Variants in DICER1 observed in about 807,000 individuals in gnomAD.
DICER1 encodes the protein endoribonuclease Dicer.
DICER1 carries 43 observed loss-of-function variants against 194.1 expected under a neutral mutation model. The observed-to-expected ratio is 0.22, with a 90% CI of 0.17 to 0.29. DICER1 has a LOEUF of 0.29. Ranked by LOEUF, DICER1 falls within the 10% of genes least tolerant of loss-of-function variation. The pLI is 1.00. For synonymous variants in DICER1, 832 were observed against 820.5 expected (o/e 1.01, Z -0.24); for missense variants, 1,608 against 2,317.0 (o/e 0.69, Z 6.28).
At chr14:95,090,747 C>T (rs148547819) in intron 26 of DICER1, 84 bp from the exon 27 acceptor site, 3 of 1,486,598 alleles carry the variant, frequency 2.0e-6, no homozygotes, top group Admixed American at 1.7e-5. Context: ...CACTCTCAGG[C>T]CAGGAGTCCC....
At chr14:95,147,156 T>C (rs1167000277) in intron 1 of DICER1, among the ~76,000 whole-genome samples, 8 of 152,254 alleles carry the variant, frequency 5.3e-5, no homozygotes, top group African/African-American at 1.4e-4. Flanking sequence ...CATACAATTC[T>C]GTTTTAGGTA....
intron 24 of DICER1, among the ~76,000 whole-genome samples, chr14:95,093,485 T>C (rs1890029353): frequency 6.6e-6 from 1 of 152,244 alleles, no homozygotes; most frequent in Non-Finnish European, 1.5e-5. Context: ...GATGCTTCCC[T>C]GAGATATTAG....
chr14:95,119,123 T>C (rs1383013677), intron 8 of DICER1, among the ~76,000 whole-genome samples: 1 of 152,236 alleles, frequency 6.6e-6, no homozygotes, highest in East Asian at 1.9e-4. Context: ...TACTTCCAAA[T>C]TTTATATAAA....
At chr14:95,132,775 T>A in intron 2 of DICER1, 98 bp from the exon 3 acceptor site, 1 of 1,201,138 alleles carries the variant, frequency 8.3e-7, no homozygotes, top group Non-Finnish European at 1.2e-6. Context: ...CACTATTCTC[T>A]AAAATCGTCC....
chr14:95,130,276 T>A, intron 4 of DICER1, 84 bp from the exon 5 acceptor site: 2 of 1,340,920 alleles, frequency 1.5e-6, no homozygotes, highest in Non-Finnish European at 2.1e-6. Flanking sequence ...AGAGCCATTG[T>A]ATCATAAGTG....
At chr14:95,112,727 A>C (rs1892085563) in intron 12 of DICER1, among the ~76,000 whole-genome samples, 1 of 152,208 alleles carries the variant, frequency 6.6e-6, no homozygotes, top group African/African-American at 2.4e-5. Flanking sequence ...GCAACGATCT[A>C]TAATAAGTTT....
At chr14:95,131,023 A>C (rs1440557632) in intron 4 of DICER1, among the ~76,000 whole-genome samples, 2 of 152,146 alleles carry the variant, frequency 1.3e-5, no homozygotes, top group East Asian at 1.9e-4. Flanking sequence ...AAAATTAGTA[A>C]TTTATTTGTT....
intron 1 of DICER1, among the ~76,000 whole-genome samples, chr14:95,143,580 T>C (rs1219783768): frequency 6.6e-6 from 1 of 152,066 alleles, no homozygotes; most frequent in Non-Finnish European, 1.5e-5. Context: ...GTCATAAAAA[T>C]GTGAAAAAAA....
intron 1 of DICER1, among the ~76,000 whole-genome samples, chr14:95,138,986 T>TAAA (rs1289692370): frequency 2.4e-3 from 76 of 31,538 alleles, no homozygotes; most frequent in East Asian, 8.8e-3. Flanking sequence ...TAAAAATAAA[T>TAAA]AAAAAAATAA....
At position 95,114,423 on chromosome 14, in the gene DICER1, A is replaced by G. The variant is rs892001486; in HGVS notation, c.1908-1199T>C. ...ATAAAACAGGAGTCCATAAGTTCAC[A>G]CTGACATTAAAAAATGATAATATAA... On this transcript the variant is annotated intron_variant, in intron 11 of 26. Coordinates refer to ENST00000343455, the MANE Select transcript of DICER1 (RefSeq NM_177438.3). Among the ~76,000 whole-genome samples, 3 of 152,264 alleles carry G rather than the reference A, an allele frequency of 2.0e-5. No homozygotes were observed. In the South Asian group the frequency reaches 6.2e-4, roughly 32 times the overall value.
At position 95,100,229 on chromosome 14, in the gene DICER1, C is replaced by G. The variant is rs149891407; in HGVS notation, c.4051-294G>C. Among the ~76,000 whole-genome samples the G allele has an allele frequency of 5.5e-3, 833 of 152,248 alleles. 8 individuals carry two copies. The highest frequency in any genetic ancestry group is 0.019 in the African/African-American group (806 of 41,538). On this transcript the variant is annotated intron_variant, in intron 21 of 26. Coordinates refer to ENST00000343455, the MANE Select transcript of DICER1 (RefSeq NM_177438.3). ...CCTTATGAATGACTGAGAAGAAACA[C>G]TTCAGACAATATCAAAGCCTTGAAA...
chr14:95,149,605 T>C (rs908815783), intron 1 of DICER1, among the ~76,000 whole-genome samples: 3 of 152,226 alleles, frequency 2.0e-5, no homozygotes, highest in Non-Finnish European at 2.9e-5. Context: ...AGTATTAAGA[T>C]CTTTGAAAGA....
chr14:95,101,194 A>G (rs1050164786), intron 21 of DICER1, among the ~76,000 whole-genome samples: 1 of 152,188 alleles, frequency 6.6e-6, no homozygotes, highest in Non-Finnish European at 1.5e-5. Flanking sequence ...TGGGGGTCTG[A>G]GCGTGGAGTC....
intron 8 of DICER1, among the ~76,000 whole-genome samples, chr14:95,120,720 G>A (rs1376476707): frequency 1.3e-5 from 2 of 152,162 alleles, no homozygotes; most frequent in Non-Finnish European, 2.9e-5. Context: ...ATGGCCCAAA[G>A]TATAAAATAA....
intron 1 of DICER1, among the ~76,000 whole-genome samples, chr14:95,146,226 A>G (rs547691099): frequency 6.6e-6 from 1 of 152,362 alleles, no homozygotes; most frequent in Non-Finnish European, 1.5e-5. Flanking sequence ...GAGAACTACA[A>G]GTCCCAGATA....
intron 1 of DICER1, among the ~76,000 whole-genome samples, chr14:95,139,382 G>A (rs1349113181): frequency 2.6e-5 from 4 of 152,164 alleles, no homozygotes; most frequent in Admixed American, 1.3e-4. Context: ...CCACATCCAG[G>A]ACATGGTAAA....
rs772045220 is a variant in DICER1, at chr14:95,095,961, T to C, written c.4959A>G (p.Pro1653=). Residue 1653 remains proline (P), a synonymous_variant, in exon 23 of 27, where the codon CCA becomes CCG. Transcript: ENST00000343455. ...GGTGATTCAGTGTTTTATCTGCATC[T>C]GGATGATCAAACATACATCTTGGTG... ...KIPPRCMFDH[P]DADKTLNHLI... 5.6e-6 allele frequency: 9 copies of C among 1,614,138 alleles called. No individual in the cohort carries two copies. Among genetic ancestry groups the C allele is most frequent in the Non-Finnish European group, 7.6e-6 (9 of 1,180,040 alleles).
chr14:95,110,163 TA>T (rs966309045), intron 14 of DICER1, among the ~76,000 whole-genome samples: 10 of 150,588 alleles, frequency 6.6e-5, no homozygotes, highest in South Asian at 2.1e-4. Context: ...ATTTCTAAAT[TA>T]AAAAAAAACA....
In DICER1 at chr14:95,091,381, A is replaced by G. The variant is rs371099251; in HGVS notation, c.5365-16T>C. 1.5e-5 allele frequency: 24 copies of G among 1,613,914 alleles called. No individual in the cohort carries two copies. The highest frequency in any genetic ancestry group is 5.0e-5 in the Admixed American group (3 of 60,002). ...ATCTCCTAAGCTATTACAGAGGGAA[A>G]AGTGACTTGTAAGCAAAAAGGCCAC... On this transcript the variant is annotated splice_polypyrimidine_tract_variant and intron_variant, in intron 24 of 26. Transcript: ENST00000343455.
Sources: gnomAD v4.1 joint callset for allele counts (sites outside exome capture counted in the v4.1 genomes callset) on GRCh38, gnomAD v4.1.1 for gene constraint, MANE v1.5 for transcripts, NCBI Gene and HGNC (gene_info 2026-07-23, HGNC 2026-07-21) for gene names.